The following BICRA variants were observed in gnomAD, a reference collection of about 807,000 sequenced individuals.
BICRA encodes BRD4 interacting chromatin remodeling complex associated protein.
A neutral mutation model predicts 96.9 loss-of-function variants in BICRA; 31 were observed. The observed-to-expected ratio is 0.32, with a 90% CI of 0.24 to 0.43. The LOEUF (loss-of-function observed/expected upper bound fraction) is 0.43, where lower values mean the gene tolerates loss of function less well. BICRA is among the 20% of genes least tolerant of loss of function. The pLI, the probability that BICRA is intolerant of heterozygous loss-of-function variation, is 1.00. For synonymous variants in BICRA, 1,350 were observed against 1,071.8 expected, an observed-to-expected ratio of 1.26 and a Z score of -5.07; for missense variants, 2,283 against 2,190.3, an observed-to-expected ratio of 1.04 and a Z score of -0.84.
At position 47,680,172 on chromosome 19, in the gene BICRA, G is replaced by T; in HGVS notation, c.1002G>T (p.Ser334=). ...CGGTGGCCCCAGGCCTCGGCTCGTCGCCACTGGTCCCGGCGCCCAACGTGA... is the reference window on the plus strand; with the variant it reads ...CGGTGGCCCCAGGCCTCGGCTCGTCTCCACTGGTCCCGGCGCCCAACGTGA... ...PLAVAPGLGS[S]PLVPAPNVIL... The change falls in exon 6 of 15, where the codon TCG becomes TCT. Residue 334 remains serine, a synonymous_variant. Coordinates refer to ENST00000594866, the MANE Select transcript of BICRA (RefSeq NM_001394372.1). 1 of 1,536,256 alleles carries T rather than the reference G, an allele frequency of 6.5e-7. No individual in the cohort carries two copies. Among genetic ancestry groups the T allele is most frequent in the Non-Finnish European group, 8.7e-7 (1 of 1,150,442 alleles).
intron 7 of BICRA, among the ~76,000 whole-genome samples, chr19:47,687,224 T>A (rs552557897): frequency 6.6e-6 from 1 of 152,304 alleles, no homozygotes; most frequent in Admixed American, 6.5e-5. Context: ...TGTAAATGAA[T>A]GAACACGGGA....
chr19:47,691,766 G>A (rs1013632029), intron 7 of BICRA, among the ~76,000 whole-genome samples: 9 of 152,114 alleles, frequency 5.9e-5, no homozygotes, highest in African/African-American at 1.9e-4. Flanking sequence ...TCACCATGTT[G>A]ACTAGGCTGG....
At chr19:47,629,408 T>G (rs1972187418) in intron 1 of BICRA, among the ~76,000 whole-genome samples, 1 of 152,244 alleles carries the variant, frequency 6.6e-6, no homozygotes, top group Non-Finnish European at 1.5e-5. Context: ...GTGCCAAATT[T>G]AAGTGGACTC....
At chr19:47,652,827 T>A (rs373251032) in intron 1 of BICRA, among the ~76,000 whole-genome samples, 65 of 152,310 alleles carry the variant, frequency 4.3e-4, no homozygotes, top group African/African-American at 1.5e-3. Context: ...TCATTGTGTT[T>A]AGTGTCATAT....
intron 1 of BICRA, among the ~76,000 whole-genome samples, chr19:47,653,771 T>C (rs1056428180): frequency 1.3e-5 from 2 of 152,198 alleles, no homozygotes; most frequent in Non-Finnish European, 2.9e-5. Flanking sequence ...GACGGGCATT[T>C]GGGTTCTACC....
intron 1 of BICRA, among the ~76,000 whole-genome samples, chr19:47,639,575 G>A (rs932617302): frequency 4.0e-5 from 6 of 148,780 alleles, no homozygotes; most frequent in Admixed American, 2.0e-4. Flanking sequence ...GTGATCGCCC[G>A]TCTTGGCCTC....
At position 47,701,571 on chromosome 19, in the gene BICRA, C is replaced by T. The variant is rs753185913; in HGVS notation, c.3839C>T (p.Ser1280Phe). Residue 1280 changes from serine to phenylalanine, a missense_variant, in exon 15 of 15, where the codon TCC becomes TTC. Physicochemically the swap from Ser to Phe is radical, Grantham distance 155. Transcript: ENST00000594866. The surrounding 1 kb of genome is among the most constrained non-coding windows in gnomAD (Gnocchi z 5.4). Reference sequence around the variant, plus strand: ...TCCTCCTCCTCCTCTGCCGCCTCCTCCTTGGACGCCGACGAGGACGGCCCC... The same window carrying T: ...TCCTCCTCCTCCTCTGCCGCCTCCTTCTTGGACGCCGACGAGGACGGCCCC... Reference protein sequence around the residue: ...SSSSSSSAASSLDADEDGPMP... With the variant: ...SSSSSSSAASFLDADEDGPMP... The T allele has an allele frequency of 9.7e-6, 15 of 1,553,416 alleles. No individual in the cohort carries two copies. In the South Asian group the frequency reaches 1.5e-4, roughly 16 times the overall value.
Position 47,680,538 on chromosome 19 carries a change from C to T in BICRA, c.1368C>T (p.Ser456=), listed in dbSNP as rs1157072130. 5.8e-6 allele frequency: 9 copies of T among 1,562,724 alleles called. No homozygotes were observed. The highest frequency in any genetic ancestry group is 6.1e-6 in the Non-Finnish European group (7 of 1,155,224). Residue 456 remains serine (S), a synonymous_variant, in exon 6 of 15, where the codon AGC becomes AGT. Transcript: ENST00000594866. ...PMSVHLLNQG[S]SIVIPAQHML... ...GCGTCCACCTCCTGAACCAAGGCAG[C>T]AGCATCGTCATCCCCGCCCAGCACA...
intron 11 of BICRA, among the ~76,000 whole-genome samples, chr19:47,697,013 G>GT (rs970326411): frequency 2.7e-5 from 4 of 150,630 alleles, no homozygotes; most frequent in African/African-American, 4.9e-5. Flanking sequence ...TTTGTTTTAG[G>GT]GGGGGTTCTT....
chr19:47,680,433 G>T lies in BICRA; in HGVS notation c.1263G>T (p.Ala421=). The change falls in exon 6 of 15, where the codon GCG becomes GCT. Residue 421 remains alanine (A), a synonymous_variant. Coordinates refer to ENST00000594866, the MANE Select transcript of BICRA (RefSeq NM_001394372.1). ...LSGFPAPALQ[A]NVFKQPPATT... ...GCTTCCCCGCGCCTGCGCTGCAAGC[G>T]AACGTCTTCAAGCAGCCACCGGCCA... 4 of 1,537,620 alleles carry T rather than the reference G, an allele frequency of 2.6e-6. No homozygotes were observed. Among genetic ancestry groups the T allele is most frequent in the Non-Finnish European group, 2.6e-6 (3 of 1,145,994 alleles).
intron 1 of BICRA, among the ~76,000 whole-genome samples, chr19:47,659,726 A>ACGCG (rs1254196685): frequency 7.1e-6 from 1 of 141,174 alleles, no homozygotes; most frequent in African/African-American, 2.7e-5. Context: ...ACACACACAC[A>ACGCG]CACACACGTT....
Position 47,702,693 on chromosome 19 carries a change from G to C in BICRA, c.*278G>C. ...AGTTCCTGTTTCTTCCCATTTCCTG[G>C]CACACTCTGCCCCTCTGTCCGGGGG... is the stretch of plus-strand genomic sequence containing the variant. On this transcript the variant is annotated 3_prime_UTR_variant, in exon 15 of 15. Transcript: ENST00000594866. 4.2e-6 allele frequency: 2 copies of C among 476,818 alleles called. No homozygotes were observed. Among genetic ancestry groups the C allele is most frequent in the Non-Finnish European group, 7.3e-6 (2 of 273,176 alleles). The allele number at this position is 476,818 out of a possible 1,614,324, so 29.5% of individuals were successfully genotyped here.
At chr19:47,693,290 G>A (rs560333076) in intron 7 of BICRA, among the ~76,000 whole-genome samples, 13 of 152,238 alleles carry the variant, frequency 8.5e-5, no homozygotes, top group African/African-American at 1.4e-4. Flanking sequence ...GGCTGTGTGC[G>A]TGTGACAGAA....
intron 1 of BICRA, among the ~76,000 whole-genome samples, chr19:47,632,979 A>G (rs986831713): frequency 4.6e-5 from 7 of 152,060 alleles, no homozygotes; most frequent in African/African-American, 1.7e-4. Flanking sequence ...CAAAGAGTTC[A>G]GTATCCATCC....
At chr19:47,674,930 G>A (rs1327992636) in intron 4 of BICRA, among the ~76,000 whole-genome samples, 2 of 152,208 alleles carry the variant, frequency 1.3e-5, no homozygotes, top group Admixed American at 6.6e-5. Flanking sequence ...CTCAGAGGGA[G>A]GGGAATTGAG....
At position 47,679,421 on chromosome 19, in the gene BICRA, C is replaced by G; in HGVS notation, c.251C>G (p.Ser84Cys). Residue 84 changes from serine (S) to cysteine (C), a missense_variant, in exon 6 of 15, where the codon TCT becomes TGT. Transcript: ENST00000594866. ...LDFLEDDILG[S>C]PATGGGGGGS... ...TTCCTGGAAGATGACATCCTGGGCTCTCCTGCGACAGGGGGCGGCGGCGGG... is the reference window on the plus strand; with the variant it reads ...TTCCTGGAAGATGACATCCTGGGCTGTCCTGCGACAGGGGGCGGCGGCGGG... The G allele has an allele frequency of 1.3e-6, 2 of 1,486,284 alleles. No individual in the cohort carries two copies. The highest frequency in any genetic ancestry group is 1.4e-5 in the South Asian group (1 of 73,974). 92.1% of individuals were successfully genotyped at this position (1,486,284 alleles called of 1,614,324 possible).
intron 1 of BICRA, among the ~76,000 whole-genome samples, chr19:47,644,316 C>T (rs1251135592): frequency 6.6e-6 from 1 of 151,910 alleles, no homozygotes; most frequent in Non-Finnish European, 1.5e-5. Flanking sequence ...TGAGCCACTG[C>T]ACCTGGCCCA....
intron 1 of BICRA, among the ~76,000 whole-genome samples, chr19:47,624,726 A>T (rs1290036278): frequency 6.6e-6 from 1 of 150,588 alleles, no homozygotes; most frequent in East Asian, 2.0e-4. Context: ...ATAGGGTCTC[A>T]TTCTGTCGCC....
At chr19:47,655,525 C>CAA (rs58172799) in intron 1 of BICRA, among the ~76,000 whole-genome samples, 3,318 of 64,798 alleles carry the variant, frequency 0.051, 95 homozygotes, top group African/African-American at 0.1. Context: ...AACTCTGTCT[C>CAA]AAAAAAAAAA....
Sources: allele counts gnomAD v4.1 joint callset (sites outside exome capture counted in the v4.1 genomes callset), GRCh38; gene constraint gnomAD v4.1.1; non-coding constraint Gnocchi (gnomAD v3.1); transcripts MANE v1.5; gene names NCBI Gene and HGNC (gene_info 2026-07-23, HGNC 2026-07-21).